Variants in EIF2B2 observed in about 807,000 individuals in gnomAD.
EIF2B2 encodes translation initiation factor eIF2B subunit beta.
EIF2B2 carries 34 observed loss-of-function variants against 34.7 expected under a neutral mutation model. That is an observed-to-expected ratio of 0.98 (90% CI 0.75 to 1.31). EIF2B2 has a LOEUF of 1.31. Ranked by LOEUF, EIF2B2 falls within the 50% of genes most tolerant of loss-of-function variation. The probability of loss-of-function intolerance (pLI) is 0.00; values close to 1 mark genes in which losing one functional copy is unlikely to be tolerated. For missense variants in EIF2B2, 361 were observed against 447.7 expected, an observed-to-expected ratio of 0.81 and a Z score of 1.75; for synonymous variants, 155 against 171.6, an observed-to-expected ratio of 0.90 and a Z score of 0.76.
In EIF2B2 at chr14:75,006,023, A is replaced by T. The variant is rs564210775; in HGVS notation, c.693+62A>T. On this transcript the variant is annotated intron_variant, in intron 5 of 7. Coordinates refer to ENST00000266126, the MANE Select transcript of EIF2B2 (RefSeq NM_014239.4). The surrounding 1 kb of genome is among the most constrained non-coding windows in gnomAD (Gnocchi z 4.1). ...TTATGTTTCTAAAATATTGATTTTTATCTCCTCCTGTAATATCCACGGTGA... is the reference window on the plus strand; with the variant it reads ...TTATGTTTCTAAAATATTGATTTTTTTCTCCTCCTGTAATATCCACGGTGA... 1.8e-5 allele frequency: 24 copies of T among 1,344,390 alleles called. No homozygotes were observed. Among genetic ancestry groups the T allele is most frequent in the Non-Finnish European group, 2.6e-5 (24 of 936,982 alleles). The allele number at this position is 1,344,390 out of a possible 1,614,324, so 83.3% of individuals were successfully genotyped here. A position where few individuals can be genotyped will look rare whatever the true frequency, so the allele number is the denominator to read the frequency against.
intron 3 of EIF2B2, among the ~76,000 whole-genome samples, chr14:75,004,063 C>T (rs936913828): frequency 6.6e-6 from 1 of 152,190 alleles, no homozygotes; most frequent in African/African-American, 2.4e-5. Flanking sequence ...TTTCTATCCC[C>T]CTTGTCATTG....
chr14:75,003,337 A>T lies in EIF2B2; in HGVS notation c.226A>T (p.Thr76Ser), dbSNP rs747822193. The T allele has an allele frequency of 6.2e-7, 1 of 1,613,806 alleles. No individual in the cohort carries two copies. The highest frequency in any genetic ancestry group is 8.5e-7 in the Non-Finnish European group (1 of 1,179,984). Residue 76 changes from threonine to serine, a missense_variant, in exon 2 of 8, where the codon ACC becomes TCC. Thr to Ser is a moderately conservative substitution (Grantham distance 58). Transcript: ENST00000266126. ...RRMTAAQPSE[T>S]TVGNMVRRVL... is the part of the protein sequence containing the mutation. ...GATGACGGCCGCTCAGCCCTCCGAGACCACCGTGGGCAACATGGTGCGGAG... is the reference window on the plus strand; with the variant it reads ...GATGACGGCCGCTCAGCCCTCCGAGTCCACCGTGGGCAACATGGTGCGGAG...
chr14:75,006,986 T>C lies in EIF2B2; in HGVS notation c.831+272T>C. 1 of 589,716 alleles carries C rather than the reference T, an allele frequency of 1.7e-6. No homozygotes were observed. The highest frequency in any genetic ancestry group is 3.2e-6 in the Non-Finnish European group (1 of 314,644). The allele number at this position is 589,716 out of a possible 1,614,324, so 36.5% of individuals were successfully genotyped here. A position where few individuals can be genotyped will look rare whatever the true frequency, so the allele number is the denominator to read the frequency against. ...TTTGCTTACGATTGCCACCACTCCC[T>C]GTCGCCTGACCATTTCTGAAAATGC... On this transcript the variant is annotated intron_variant, in intron 6 of 7. Transcript: ENST00000266126. The surrounding 1 kb of genome is among the most constrained non-coding windows in gnomAD (Gnocchi z 4.1).
chr14:75,010,215 CTG>C lies in EIF2B2; in HGVS notation c.*1029_*1030del, dbSNP rs1207514886. Reference sequence around the variant, plus strand: ...GATCTCAGGGTTACTACCTGGGAATCTGTTTAAAGCTTCCCAGAAAAGGATAG... The same window carrying C: ...GATCTCAGGGTTACTACCTGGGAATCTTTAAAGCTTCCCAGAAAAGGATAG... On this transcript the variant is annotated 3_prime_UTR_variant, in exon 8 of 8. Coordinates refer to ENST00000266126, the MANE Select transcript of EIF2B2 (RefSeq NM_014239.4). 1 of 152,156 alleles carries C rather than the reference CTG, an allele frequency of 6.6e-6. No homozygotes were observed. The highest frequency in any genetic ancestry group is 2.4e-5 in the African/African-American group (1 of 41,430). 9.4% of individuals were successfully genotyped at this position (152,156 alleles called of 1,614,324 possible). A position where few individuals can be genotyped will look rare whatever the true frequency, so the allele number is the denominator to read the frequency against.
At chr14:75,004,685 A>ATT (rs1566872885) in intron 3 of EIF2B2, 52 bp from the exon 4 acceptor site, 10 of 130,100 alleles carry the variant, frequency 7.7e-5, no homozygotes, top group Non-Finnish European at 8.2e-5. Context: ...ATATATATAT[A>ATT]TATATTTTTT....
Position 75,009,292 on chromosome 14 carries a change from G to T in EIF2B2, c.*104G>T, listed in dbSNP as rs1256546264. On this transcript the variant is annotated 3_prime_UTR_variant, in exon 8 of 8. Transcript: ENST00000266126. ...ATCCTTGCAATGTGGGAGTGCACAGGAGTCCACCTAAAAAAAAAATCCTTG... is the reference window on the plus strand; with the variant it reads ...ATCCTTGCAATGTGGGAGTGCACAGTAGTCCACCTAAAAAAAAAATCCTTG... 5.6e-6 allele frequency: 8 copies of T among 1,434,620 alleles called. No homozygotes were observed. In the East Asian group the frequency reaches 1.4e-4, roughly 24 times the overall value. 88.9% of individuals were successfully genotyped at this position (1,434,620 alleles called of 1,614,324 possible).
rs1263403149 is a variant in EIF2B2, at chr14:75,009,408, C to T, written c.*220C>T. ...TTCAGATCTTAACAGAGCAGCAGGGCTTAACTTGTTGATTTTGGAGCCTCT... is the reference window on the plus strand; with the variant it reads ...TTCAGATCTTAACAGAGCAGCAGGGTTTAACTTGTTGATTTTGGAGCCTCT... On this transcript the variant is annotated 3_prime_UTR_variant, in exon 8 of 8. Coordinates refer to ENST00000266126, the MANE Select transcript of EIF2B2 (RefSeq NM_014239.4). 7.1e-6 allele frequency: 4 copies of T among 565,812 alleles called. No homozygotes were observed. In the East Asian group the frequency reaches 1.3e-4, roughly 18 times the overall value. The allele number at this position is 565,812 out of a possible 1,614,324, so 35.0% of individuals were successfully genotyped here.
rs1341812768 is a variant in EIF2B2, at chr14:75,006,967, T to TA, written c.831+254dup. ...ATGTAGTTGGGAAAGGTCCTTTGCT[T>TA]ACGATTGCCACCACTCCCTGTCGCC... On this transcript the variant is annotated intron_variant, in intron 6 of 7. Coordinates refer to ENST00000266126, the MANE Select transcript of EIF2B2 (RefSeq NM_014239.4). This position sits in a 1 kb window ranked among gnomAD's most constrained non-coding sequence, Gnocchi z 4.1. 3.1e-5 allele frequency: 20 copies of TA among 637,904 alleles called. No individual in the cohort carries two copies. Among genetic ancestry groups the TA allele is most frequent in the Admixed American group, 2.7e-4 (13 of 47,664 alleles). 39.5% of individuals were successfully genotyped at this position (637,904 alleles called of 1,614,324 possible).
chr14:75,005,056 G>A (rs1461375268), intron 4 of EIF2B2, 156 bp downstream of exon 4: 11 of 811,596 alleles, frequency 1.4e-5, no homozygotes, highest in East Asian at 2.8e-5. Flanking sequence ...CAAGGTGTTC[G>A]TCCTGTGAAC....
In EIF2B2 at chr14:75,003,677, T is replaced by C. The variant is rs1282150961; in HGVS notation, c.411T>C (p.Ile137=). The change falls in exon 3 of 8, where the codon ATT becomes ATC. Residue 137 remains isoleucine, a synonymous_variant. Coordinates refer to ENST00000266126, the MANE Select transcript of EIF2B2 (RefSeq NM_014239.4). The stretch of plus-strand genomic sequence containing the variant: ...TCCAGTCCAACATCATTGAGGCGAT[T>C]AATGAGCTGCTAGTGGAGCTGGGTA... ...AQLQSNIIEA[I]NELLVELEGT... 1 of 1,614,072 alleles carries C rather than the reference T, an allele frequency of 6.2e-7. No homozygotes were observed. Among genetic ancestry groups the C allele is most frequent in the African/African-American group, 1.3e-5 (1 of 74,918 alleles).
intron 4 of EIF2B2, 46 bp downstream of exon 4, chr14:75,004,946 G>A (rs780858342): frequency 6.2e-7 from 1 of 1,601,844 alleles, no homozygotes; most frequent in Non-Finnish European, 8.5e-7. Context: ...GAAAAATGAA[G>A]AAGAAATAAA....
At chr14:75,004,687 ATATTTTTTTTTTTTTTTTT>A (rs1889595596) in intron 3 of EIF2B2, 31 bp from the exon 4 acceptor site, 3 of 107,438 alleles carry the variant, frequency 2.8e-5, no homozygotes, top group South Asian at 2.1e-4. Context: ...ATATATATAT[ATATTTTTTTTTTTTTTTTT>A]TTTTTTTTTT....
Position 75,003,569 on chromosome 14 carries a change from C to T in EIF2B2, c.303C>T (p.Asp101=), listed in dbSNP as rs1889574670. 1.2e-6 allele frequency: 2 copies of T among 1,614,148 alleles called. No homozygotes were observed. The highest frequency in any genetic ancestry group is 1.7e-6 in the Non-Finnish European group (2 of 1,180,040). The part of the protein sequence containing the change: ...EEYGRLHGRS[D]ESDQQESLHK... ...TCTATAGACTCCATGGACGCAGCGA[C>T]GAGAGTGATCAGCAGGAGTCCCTGC... is the stretch of plus-strand genomic sequence containing the variant. Residue 101 remains aspartate, a synonymous_variant, in exon 3 of 8, where the codon GAC becomes GAT. Transcript: ENST00000266126.
At chr14:75,008,597 G>A (rs1889660813) in intron 7 of EIF2B2, 1 of 282,496 alleles carries the variant, frequency 3.5e-6, no homozygotes, top group East Asian at 8.5e-5. Context: ...CTGAGATTGA[G>A]GAAGGGTCTT....
At chr14:75,005,829 T>C (rs1309096814) in intron 4 of EIF2B2, 37 bp from the exon 5 acceptor site, 1 of 1,510,508 alleles carries the variant, frequency 6.6e-7, no homozygotes, top group Admixed American at 1.7e-5. Flanking sequence ...TATTTCTCAC[T>C]CTTTCTCTTA....
rs756121992 is a variant in EIF2B2 at position 75,009,018 on chromosome 14, G to A, written c.899-13G>A. 2.2e-5 allele frequency: 35 copies of A among 1,613,898 alleles called. No individual in the cohort carries two copies. In the East Asian group the frequency reaches 7.4e-4, roughly 34 times the overall value. On this transcript the variant is annotated splice_polypyrimidine_tract_variant and intron_variant, in intron 7 of 7. Transcript: ENST00000266126. ...CCTCAGTTTTACCTTTAGCATGTGT[G>A]CTTGCCTTTCAGGGGACATTCTGGA...
rs1412556333 is a variant in EIF2B2, at chr14:75,011,761, C to T, written c.*2573C>T. ...GCTACCAATTACGAGCAATTGTCTC[C>T]TCCAAAGGCACCAATTCTAACAGCA... On this transcript the variant is annotated 3_prime_UTR_variant, in exon 8 of 8. Transcript: ENST00000266126. 1 of 152,208 alleles carries T rather than the reference C, an allele frequency of 6.6e-6. No homozygotes were observed. Among genetic ancestry groups the T allele is most frequent in the Non-Finnish European group, 1.5e-5 (1 of 68,048 alleles). The allele number at this position is 152,208 out of a possible 1,614,324, so 9.4% of individuals were successfully genotyped here.
chr14:75,010,293 AAT>A lies in EIF2B2; in HGVS notation c.*1106_*1107del, dbSNP rs1889687860. ...AAATTGGTACAGCCTTTTAGAGGGC[AAT>A]TTGGAAGCTGTATTTCTAGAATTAT... On this transcript the variant is annotated 3_prime_UTR_variant, in exon 8 of 8. Transcript: ENST00000266126. 6.6e-6 allele frequency: 1 copy of A among 152,192 alleles called. No individual in the cohort carries two copies. Among genetic ancestry groups the A allele is most frequent in the South Asian group, 2.1e-4 (1 of 4,830 alleles). 9.4% of individuals were successfully genotyped at this position (152,192 alleles called of 1,614,324 possible).
chr14:75,003,686 G>T lies in EIF2B2; in HGVS notation c.420G>T (p.Leu140=). The change falls in exon 3 of 8, where the codon CTG becomes CTT. Residue 140 remains leucine (L), a synonymous_variant. Coordinates refer to ENST00000266126, the MANE Select transcript of EIF2B2 (RefSeq NM_014239.4). Reference sequence around the variant, plus strand: ...ACATCATTGAGGCGATTAATGAGCTGCTAGTGGAGCTGGGTAAGAGGCCTG... The same window carrying T: ...ACATCATTGAGGCGATTAATGAGCTTCTAGTGGAGCTGGGTAAGAGGCCTG... ...QSNIIEAINE[L]LVELEGTMEN... The T allele has an allele frequency of 6.2e-7, 1 of 1,614,202 alleles. No homozygotes were observed. The highest frequency in any genetic ancestry group is 2.2e-5 in the East Asian group (1 of 44,882).
Sources: allele counts gnomAD v4.1 joint callset (sites outside exome capture counted in the v4.1 genomes callset), GRCh38; gene constraint gnomAD v4.1.1; non-coding constraint Gnocchi (gnomAD v3.1); transcripts MANE v1.5; gene names NCBI Gene and HGNC (gene_info 2026-07-23, HGNC 2026-07-21).